NDUFB6: variants seen among roughly 807,000 people sequenced by gnomAD.
NDUFB6 encodes the protein NADH dehydrogenase [ubiquinone] 1 beta subcomplex subunit 6.
In NDUFB6, 23 loss-of-function variants were observed where a neutral mutation model predicts 17.5. That is an observed-to-expected ratio of 1.31 (90% confidence interval 0.94 to 1.86). NDUFB6 has a LOEUF of 1.86. Ranked by LOEUF, NDUFB6 falls within the 40% of genes most tolerant of loss-of-function variation. The pLI is 0.00. For missense variants in NDUFB6, 167 were observed against 153.8 expected, an observed-to-expected ratio of 1.09 and a Z score of -0.46; for synonymous variants, 60 against 53.5, an observed-to-expected ratio of 1.12 and a Z score of -0.53.
intron 2 of NDUFB6, among the ~76,000 whole-genome samples, chr9:32,560,403 A>G (rs1821592287): frequency 6.6e-6 from 1 of 152,212 alleles, no homozygotes; most frequent in African/African-American, 2.4e-5. Context: ...TCGATCCCAG[A>G]AAAATGTAGT....
chr9:32,562,783 C>G (rs900788299), intron 2 of NDUFB6, among the ~76,000 whole-genome samples: 3 of 152,190 alleles, frequency 2.0e-5, no homozygotes, highest in Non-Finnish European at 4.4e-5. Context: ...TCTCAATTGT[C>G]TCAATAATTG....
At chr9:32,571,376 GA>G (rs1196366201) in intron 1 of NDUFB6, among the ~76,000 whole-genome samples, 6 of 152,244 alleles carry the variant, frequency 3.9e-5, no homozygotes, top group Middle Eastern at 3.4e-3. Context: ...GCAAAATAAT[GA>G]AAGAATAATT....
At chr9:32,560,424 T>C (rs1821593120) in intron 2 of NDUFB6, among the ~76,000 whole-genome samples, 1 of 152,224 alleles carries the variant, frequency 6.6e-6, no homozygotes, top group Non-Finnish European at 1.5e-5. Flanking sequence ...TAAATTTAGA[T>C]ATGATAAAGT....
intron 2 of NDUFB6, chr9:32,567,261 T>A (rs1415641177): frequency 4.2e-6 from 2 of 472,642 alleles, no homozygotes; most frequent in Admixed American, 2.3e-5. Flanking sequence ...CGGGAACCGA[T>A]CCCAGAAACT....
chr9:32,567,697 C>T, intron 2 of NDUFB6: 1 of 341,352 alleles, frequency 2.9e-6, no homozygotes, highest in South Asian at 2.5e-5. Flanking sequence ...GATGTTACTA[C>T]TACAAATTTT....
At chr9:32,562,129 G>A (rs762669317) in intron 2 of NDUFB6, among the ~76,000 whole-genome samples, 7 of 152,154 alleles carry the variant, frequency 4.6e-5, no homozygotes, top group South Asian at 2.1e-4. Flanking sequence ...AGGTACATAC[G>A]GCCACGTTCA....
At chr9:32,559,494 C>T (rs1821567352) in intron 2 of NDUFB6, among the ~76,000 whole-genome samples, 1 of 152,130 alleles carries the variant, frequency 6.6e-6, no homozygotes, top group Non-Finnish European at 1.5e-5. Context: ...AGAGAAAAAG[C>T]CAGTCTTTTC....
chr9:32,566,056 G>A lies in NDUFB6; in HGVS notation c.273+4904C>T, dbSNP rs1337150646. ...ATATTTTTTAAGGTTTTTTCCAGGA[G>A]CTACTGGAGTGACCAAAAAAAAAAA... On this transcript the variant is annotated intron_variant, in intron 2 of 3. Transcript: ENST00000379847. 1.0e-5 allele frequency: 4 copies of A among 381,144 alleles called. No individual in the cohort carries two copies. In the Admixed American group the frequency reaches 1.6e-4, roughly 15 times the overall value. 23.6% of individuals were successfully genotyped at this position (381,144 alleles called of 1,614,324 possible).
At position 32,572,767 on chromosome 9, in the gene NDUFB6, A is replaced by T; in HGVS notation, c.180+114T>A. 5.1e-6 allele frequency: 5 copies of T among 984,990 alleles called. 1 individual carries two copies. In the South Asian group the frequency reaches 8.9e-5, roughly 18 times the overall value. 61.0% of individuals were successfully genotyped at this position (984,990 alleles called of 1,614,324 possible). On this transcript the variant is annotated intron_variant, in intron 1 of 3. Transcript: ENST00000379847. ...GACTCTCGGGACTGGCCAGTGTCCC[A>T]GAGCACTGAGCGTTATCAGTCCTTG... is the stretch of plus-strand genomic sequence containing the variant.
intron 3 of NDUFB6, among the ~76,000 whole-genome samples, chr9:32,558,143 G>C (rs1448816975): frequency 6.3e-5 from 7 of 111,948 alleles, no homozygotes; most frequent in African/African-American, 2.2e-4. Context: ...ACGGAGTCTC[G>C]CTCTGTCACC....
chr9:32,569,580 C>T (rs932812129), intron 2 of NDUFB6, among the ~76,000 whole-genome samples: 3 of 152,210 alleles, frequency 2.0e-5, no homozygotes, highest in African/African-American at 7.2e-5. Context: ...GTGGCACAAT[C>T]ACAGTTTATT....
chr9:32,563,228 C>T (rs1184995087), intron 2 of NDUFB6, among the ~76,000 whole-genome samples: 4 of 152,136 alleles, frequency 2.6e-5, no homozygotes, highest in Admixed American at 2.0e-4. Flanking sequence ...ACTAAGGTGG[C>T]GTCTGCCAGA....
rs149206942 is a variant in NDUFB6, at chr9:32,554,191, T to C, written c.319-247A>G. Among the ~76,000 whole-genome samples the C allele has an allele frequency of 5.2e-3, 785 of 152,168 alleles. 3 individuals carry two copies. Among genetic ancestry groups the C allele is most frequent in the African/African-American group, 0.018 (749 of 41,502 alleles). ...AAAATAATCAAAAAGGGCACGAAAATTGTGTTCTCTAAGTGATAAAGGGAT... is the reference window on the plus strand; with the variant it reads ...AAAATAATCAAAAAGGGCACGAAAACTGTGTTCTCTAAGTGATAAAGGGAT... On this transcript the variant is annotated intron_variant, in intron 3 of 3. Coordinates refer to ENST00000379847, the MANE Select transcript of NDUFB6 (RefSeq NM_002493.5).
intron 2 of NDUFB6, among the ~76,000 whole-genome samples, chr9:32,564,335 C>A (rs908317491): frequency 6.6e-6 from 1 of 152,034 alleles, no homozygotes; most frequent in Non-Finnish European, 1.5e-5. Context: ...CACAGGCATA[C>A]CTTACTTTAT....
chr9:32,554,133 A>C (rs1205943823), intron 3 of NDUFB6, among the ~76,000 whole-genome samples, 189 bp from the exon 4 acceptor site: 1 of 152,244 alleles, frequency 6.6e-6, no homozygotes, highest in Non-Finnish European at 1.5e-5. Flanking sequence ...TTTAAGGTAT[A>C]GTGAAATAAT....
intron 2 of NDUFB6, chr9:32,566,086 C>G: frequency 2.4e-6 from 1 of 414,020 alleles, no homozygotes. Context: ...AAAAAAAAGG[C>G]ACCTGTTAAA....
chr9:32,572,827 G>A, intron 1 of NDUFB6, 54 bp downstream of exon 1: 1 of 1,466,714 alleles, frequency 6.8e-7, no homozygotes, highest in Non-Finnish European at 9.1e-7. Flanking sequence ...CAGTGTTCAG[G>A]CTGCCGGCAG....
intron 3 of NDUFB6, among the ~76,000 whole-genome samples, chr9:32,556,184 T>C (rs1313528485): frequency 1.3e-5 from 2 of 152,228 alleles, no homozygotes; most frequent in East Asian, 3.8e-4. Context: ...CAAGAGCTGT[T>C]TGGTGACTAG....
chr9:32,566,773 C>T (rs547419995), intron 2 of NDUFB6: 11 of 908,584 alleles, frequency 1.2e-5, no homozygotes, highest in African/African-American at 9.8e-5. Context: ...TCGGCTGCGA[C>T]GTTCTGGCTG....
Sources: allele counts gnomAD v4.1 joint callset (sites outside exome capture counted in the v4.1 genomes callset), GRCh38; gene constraint gnomAD v4.1.1; transcripts MANE v1.5; gene names NCBI Gene and HGNC (gene_info 2026-07-23, HGNC 2026-07-21).